Variants in RNF152 observed in about 807,000 individuals in gnomAD.
RNF152 encodes the protein ring finger protein 152.
A neutral mutation model predicts 12.7 loss-of-function variants in RNF152; 11 were observed. That is an observed-to-expected ratio of 0.86 (90% CI 0.54 to 1.43). RNF152 has a LOEUF of 1.43. Among genes scored for constraint, RNF152 ranks in the 40% most tolerant of loss-of-function variants. The pLI is 0.00. For synonymous variants in RNF152, 113 were observed against 120.3 expected (o/e 0.94, Z 0.40); for missense variants, 255 against 274.8 (o/e 0.93, Z 0.51).
At chr18:61,892,214 T>C (rs1034384263) in intron 1 of RNF152, among the ~76,000 whole-genome samples, 2 of 152,218 alleles carry the variant, frequency 1.3e-5, no homozygotes, top group Admixed American at 6.5e-5. Flanking sequence ...TCAAGCTGTT[T>C]TCTCTGTTCT....
intron 1 of RNF152, among the ~76,000 whole-genome samples, chr18:61,857,160 C>T (rs113345113): frequency 0.047 from 7,085 of 152,236 alleles, 231 homozygotes; most frequent in South Asian, 0.082. Flanking sequence ...TTGCATTATA[C>T]GTCAGGGTTC....
At chr18:61,831,053 C>T (rs1214249916) in intron 1 of RNF152, among the ~76,000 whole-genome samples, 2 of 152,154 alleles carry the variant, frequency 1.3e-5, no homozygotes, top group Non-Finnish European at 2.9e-5. Flanking sequence ...CATTAACAGG[C>T]CTTCTAGAAA....
upstream of RNF152, chr18:61,894,310 C>A (rs554493824): frequency 8.4e-4 from 127 of 150,698 alleles, no homozygotes; most frequent in African/African-American, 3.0e-3. This position sits in a 1 kb window ranked among gnomAD's most constrained non-coding sequence, Gnocchi z 4.9. Flanking sequence ...ACGCTGACAG[C>A]GCGGCGGCGG....
intron 1 of RNF152, among the ~76,000 whole-genome samples, chr18:61,882,783 C>G (rs1912518395): frequency 6.6e-6 from 1 of 152,114 alleles, no homozygotes; most frequent in Non-Finnish European, 1.5e-5. Context: ...TCCCAACCCC[C>G]ACTTGGTATT....
intron 1 of RNF152, among the ~76,000 whole-genome samples, chr18:61,887,434 C>T (rs1036190749): frequency 2.6e-5 from 4 of 152,198 alleles, no homozygotes; most frequent in Non-Finnish European, 5.9e-5. Flanking sequence ...GAAGAATGCT[C>T]CTGGCTAGGT....
At chr18:61,817,742 TAA>T (rs397956442) in intron 1 of RNF152, among the ~76,000 whole-genome samples, 19 of 143,308 alleles carry the variant, frequency 1.3e-4, no homozygotes, top group Admixed American at 2.1e-4. Flanking sequence ...TTCCTCATTG[TAA>T]AAAAAAAAAA....
intron 1 of RNF152, among the ~76,000 whole-genome samples, chr18:61,843,967 T>C (rs7233207): frequency 0.38 from 57,061 of 150,288 alleles, 11,643 homozygotes; most frequent in Non-Finnish European, 0.47. Flanking sequence ...ATGTTATGTG[T>C]ATTTTACCAC....
chr18:61,820,137 G>A (rs1469533584), intron 1 of RNF152, among the ~76,000 whole-genome samples: 2 of 150,720 alleles, frequency 1.3e-5, no homozygotes, highest in Admixed American at 1.3e-4. Context: ...AGACCATCCT[G>A]GCTAATATGG....
intron 1 of RNF152, among the ~76,000 whole-genome samples, chr18:61,877,968 C>A (rs73004415): frequency 0.026 from 3,941 of 152,284 alleles, 77 homozygotes; most frequent in Non-Finnish European, 0.036. Flanking sequence ...AGCATCTGCT[C>A]CACAAGGTCT....
Position 61,878,159 on chromosome 18 carries a change from C to T in RNF152, c.-136+14636G>A, listed in dbSNP as rs79857151. Among the ~76,000 whole-genome samples, 1,218 of 152,288 alleles carry T rather than the reference C, an allele frequency of 8.0e-3. 21 individuals carry two copies. Among genetic ancestry groups the T allele is most frequent in the African/African-American group, 0.028 (1,173 of 41,554 alleles). On this transcript the variant is annotated intron_variant, in intron 1 of 1. Coordinates refer to ENST00000312828, the MANE Select transcript of RNF152 (RefSeq NM_173557.3). ...CCAGTCACATGGCCCCACCTAGGTA[C>T]AGAAAGTAGTATAGTCGAGTGATTG...
chr18:61,816,449 GGACAGCGTCTCCATGGTGGACCGTGA>G lies in RNF152; in HGVS notation c.-12_14del. ...TCTGACATTCCAGCAGAGAGTCCTGGGACAGCGTCTCCATGGTGGACCGTGAGCAGGAAGGGCAAGGCCAAGGTGAA... is the reference window on the plus strand; with the variant it reads ...TCTGACATTCCAGCAGAGAGTCCTGGGCAGGAAGGGCAAGGCCAAGGTGAA... On this transcript the variant is annotated start_lost and 5_prime_UTR_variant, in exon 2 of 2. Coordinates refer to ENST00000312828, the MANE Select transcript of RNF152 (RefSeq NM_173557.3). The G allele has an allele frequency of 1.2e-6, 2 of 1,604,276 alleles. No homozygotes were observed. Among genetic ancestry groups the G allele is most frequent in the Non-Finnish European group, 1.7e-6 (2 of 1,172,732 alleles).
chr18:61,832,210 T>C (rs1387648394), intron 1 of RNF152, among the ~76,000 whole-genome samples: 3 of 152,294 alleles, frequency 2.0e-5, no homozygotes, highest in African/African-American at 7.2e-5. Context: ...AAAGGATATA[T>C]TTTTGATTGG....
intron 1 of RNF152, among the ~76,000 whole-genome samples, chr18:61,884,321 C>T (rs941220279): frequency 6.6e-6 from 1 of 152,002 alleles, no homozygotes; most frequent in African/African-American, 2.4e-5. Context: ...TTTTAAAATT[C>T]CAGTTCATAA....
At chr18:61,837,153 A>C (rs1910226063) in intron 1 of RNF152, among the ~76,000 whole-genome samples, 1 of 152,210 alleles carries the variant, frequency 6.6e-6, no homozygotes, top group African/African-American at 2.4e-5. Context: ...CAGTCATGAC[A>C]GGGATGATGA....
At chr18:61,862,495 G>T (rs1911531430) in intron 1 of RNF152, among the ~76,000 whole-genome samples, 1 of 152,180 alleles carries the variant, frequency 6.6e-6, no homozygotes, top group Non-Finnish European at 1.5e-5. Flanking sequence ...TCCATGAGGG[G>T]ATCCCACCCT....
At chr18:61,817,851 G>A (rs4941062) in intron 1 of RNF152, among the ~76,000 whole-genome samples, 70,552 of 151,762 alleles carry the variant, frequency 0.46, 16,735 homozygotes, top group Non-Finnish European at 0.53. Flanking sequence ...TGGCATTTCA[G>A]TAAGGGCTGC....
intron 1 of RNF152, among the ~76,000 whole-genome samples, chr18:61,866,251 C>A (rs762131385): frequency 6.6e-6 from 1 of 152,138 alleles, no homozygotes; most frequent in Admixed American, 6.5e-5. Context: ...TTCTAGACAG[C>A]GAGTCGGGCC....
At chr18:61,858,324 TC>T (rs1911315411) in intron 1 of RNF152, among the ~76,000 whole-genome samples, 1 of 151,472 alleles carries the variant, frequency 6.6e-6, no homozygotes, top group African/African-American at 2.4e-5. Flanking sequence ...TCTGGAACTA[TC>T]TCCCCTGGAA....
intron 1 of RNF152, among the ~76,000 whole-genome samples, chr18:61,818,451 A>G (rs571813287): frequency 6.6e-6 from 1 of 152,244 alleles, no homozygotes; most frequent in South Asian, 2.1e-4. Flanking sequence ...AAAACAAAAA[A>G]CAAGAAAAAG....
Sources: gnomAD v4.1 joint callset for allele counts (sites outside exome capture counted in the v4.1 genomes callset) on GRCh38, gnomAD v4.1.1 for gene constraint, Gnocchi (gnomAD v3.1) non-coding constraint, MANE v1.5 for transcripts, NCBI Gene and HGNC (gene_info 2026-07-23, HGNC 2026-07-21) for gene names.